ARHGAP18: variants seen among roughly 807,000 people sequenced by gnomAD.
The protein encoded by ARHGAP18 is rho GTPase-activating protein 18.
Under a neutral mutation model 86.2 loss-of-function variants are expected in ARHGAP18, and 67 were observed. The ratio of observed to expected loss-of-function variants is 0.78; its 90% confidence interval spans 0.64 to 0.95. ARHGAP18 has a LOEUF of 0.95. Ranked by LOEUF, ARHGAP18 falls within the 40% of genes least tolerant of loss-of-function variation. The probability of loss-of-function intolerance (pLI) is 0.00; values close to 1 mark genes in which losing one functional copy is unlikely to be tolerated. For synonymous variants in ARHGAP18, 283 were observed against 280.4 expected, an observed-to-expected ratio of 1.01 and a Z score of -0.09; for missense variants, 691 against 780.4, an observed-to-expected ratio of 0.89 and a Z score of 1.37.
chr6:129,678,529 G>A (rs1774273048), intron 1 of ARHGAP18, among the ~76,000 whole-genome samples: 1 of 152,110 alleles, frequency 6.6e-6, no homozygotes, highest in South Asian at 2.1e-4. Context: ...GGAAAATTGT[G>A]GAAATTTTAA....
chr6:129,615,870 T>C (rs574413183), intron 7 of ARHGAP18, among the ~76,000 whole-genome samples: 3 of 152,318 alleles, frequency 2.0e-5, no homozygotes, highest in Non-Finnish European at 2.9e-5. Context: ...TGAGGAAATA[T>C]ACACAGGCAT....
intron 1 of ARHGAP18, among the ~76,000 whole-genome samples, chr6:129,650,578 T>C (rs1773688277): frequency 1.3e-5 from 2 of 152,290 alleles, no homozygotes; most frequent in African/African-American, 2.4e-5. Flanking sequence ...GATTTTAATG[T>C]CAAAATCATC....
intron 1 of ARHGAP18, among the ~76,000 whole-genome samples, chr6:129,696,818 A>G (rs1269176045): frequency 1.3e-5 from 2 of 152,216 alleles, no homozygotes; most frequent in Non-Finnish European, 2.9e-5. Flanking sequence ...AAGCAAGAAG[A>G]TCAGGAAAGG....
chr6:129,617,944 C>A (rs1359965574), intron 6 of ARHGAP18, among the ~76,000 whole-genome samples: 2 of 152,062 alleles, frequency 1.3e-5, no homozygotes, highest in Admixed American at 1.3e-4. Flanking sequence ...TAAGGTTAAA[C>A]AAGAGGACAA....
intron 1 of ARHGAP18, among the ~76,000 whole-genome samples, chr6:129,644,655 C>T (rs996490714): frequency 9.2e-5 from 14 of 152,190 alleles, no homozygotes; most frequent in African/African-American, 1.9e-4. Flanking sequence ...TAATGACTAA[C>T]GCCAAATAAT....
chr6:129,596,156 C>A (rs1788612082), intron 12 of ARHGAP18, among the ~76,000 whole-genome samples: 1 of 152,126 alleles, frequency 6.6e-6, no homozygotes, highest in African/African-American at 2.4e-5. Flanking sequence ...ACCCCCATTT[C>A]ACTCAGAGTA....
intron 7 of ARHGAP18, among the ~76,000 whole-genome samples, chr6:129,613,952 CTT>C (rs199769970): frequency 0.044 from 6,667 of 152,182 alleles, 221 homozygotes; most frequent in Non-Finnish European, 0.064. Flanking sequence ...AACACAGACT[CTT>C]TGACACAAAG....
Position 129,629,688 on chromosome 6 carries a change from T to C in ARHGAP18, c.617-166A>G, listed in dbSNP as rs542551093. Among the ~76,000 whole-genome samples the C allele has an allele frequency of 2.0e-5, 3 of 152,300 alleles. No homozygotes were observed. In the East Asian group the frequency reaches 5.8e-4, roughly 29 times the overall value. On this transcript the variant is annotated intron_variant, in intron 4 of 14. Coordinates refer to ENST00000368149, the MANE Select transcript of ARHGAP18 (RefSeq NM_033515.3). Reference sequence around the variant, plus strand: ...AGAGTATACTCAAGAATCCTATCAATGGTGCATGGGAAGTGGGCAGGGAGA... The same window carrying C: ...AGAGTATACTCAAGAATCCTATCAACGGTGCATGGGAAGTGGGCAGGGAGA...
intron 1 of ARHGAP18, among the ~76,000 whole-genome samples, chr6:129,664,731 GT>G (rs1374891595): frequency 1.3e-5 from 2 of 152,154 alleles, no homozygotes; most frequent in Non-Finnish European, 2.9e-5. Flanking sequence ...AAAACAGTCC[GT>G]GGTCTGATGA....
chr6:129,698,377 T>C (rs1774656202), intron 1 of ARHGAP18, among the ~76,000 whole-genome samples: 2 of 152,198 alleles, frequency 1.3e-5, no homozygotes, highest in African/African-American at 4.8e-5. Context: ...ATTCCTATTA[T>C]TTTCCTCAAA....
At chr6:129,650,502 C>T (rs2114508769) in intron 1 of ARHGAP18, among the ~76,000 whole-genome samples, 1 of 152,270 alleles carries the variant, frequency 6.6e-6, no homozygotes, top group African/African-American at 2.4e-5. Flanking sequence ...TGCCAAATCT[C>T]TCAGGAAGCA....
chr6:129,696,544 G>A (rs564070070), intron 1 of ARHGAP18, among the ~76,000 whole-genome samples: 10 of 152,202 alleles, frequency 6.6e-5, no homozygotes, highest in East Asian at 3.9e-4. Context: ...CCAATCCTTC[G>A]AAAATATCAA....
chr6:129,627,072 A>T (rs1237847105), intron 5 of ARHGAP18, among the ~76,000 whole-genome samples: 1 of 152,118 alleles, frequency 6.6e-6, no homozygotes. Context: ...AGCCTGTAAA[A>T]TCTTGTCCAG....
At chr6:129,584,513 C>T (rs1030527698) in intron 12 of ARHGAP18, among the ~76,000 whole-genome samples, 2 of 152,124 alleles carry the variant, frequency 1.3e-5, no homozygotes, top group African/African-American at 4.8e-5. Context: ...TGGACATTCA[C>T]AAAATTTCAC....
chr6:129,624,796 T>G, intron 5 of ARHGAP18, among the ~76,000 whole-genome samples: 1 of 150,382 alleles, frequency 6.6e-6, no homozygotes, highest in Non-Finnish European at 1.5e-5. Context: ...AATACAAAAA[T>G]CAGCCGGGCG....
In ARHGAP18 at chr6:129,625,004, ATT is replaced by A. The variant is rs1342494601; in HGVS notation, c.786+4347_786+4348del. Among the ~76,000 whole-genome samples the A allele has an allele frequency of 3.8e-4, 28 of 74,002 alleles. 1 individual carries two copies. The highest frequency in any genetic ancestry group is 1.1e-3 in the African/African-American group (26 of 22,958). The allele number at this position is 74,002 out of a possible 152,430, so 48.5% of individuals were successfully genotyped here. ...ATAATATATATTATATATGATATAT[ATT>A]TATATAATATATATGATATATGATA... On this transcript the variant is annotated intron_variant, in intron 5 of 14. Coordinates refer to ENST00000368149, the MANE Select transcript of ARHGAP18 (RefSeq NM_033515.3).
At chr6:129,635,238 CA>C (rs1380732934) in intron 3 of ARHGAP18, among the ~76,000 whole-genome samples, 1 of 152,190 alleles carries the variant, frequency 6.6e-6, no homozygotes, top group African/African-American at 2.4e-5. Context: ...ATTGTAGTCT[CA>C]CCACACATTT....
chr6:129,578,560 GAT>G lies in ARHGAP18; in HGVS notation c.1943_1944del (p.Tyr648SerfsTer3), dbSNP rs1788225953. 1.9e-6 allele frequency: 3 copies of G among 1,612,388 alleles called. No individual in the cohort carries two copies. The highest frequency in any genetic ancestry group is 2.5e-6 in the Non-Finnish European group (3 of 1,179,002). On this transcript the variant is annotated frameshift_variant, in exon 15 of 15. Coordinates refer to ENST00000368149, the MANE Select transcript of ARHGAP18 (RefSeq NM_033515.3). LOFTEE classifies it high-confidence loss of function. ...ACCCACTCAGCATTTGGGTTAAGCTGATATAAATCCTTCATGTAAGTGTCATC... is the reference window on the plus strand; with the variant it reads ...ACCCACTCAGCATTTGGGTTAAGCTGATAAATCCTTCATGTAAGTGTCATC... ...LDDDTYMKDL[Y>X]QLNPNAEWVI...
intron 3 of ARHGAP18, among the ~76,000 whole-genome samples, chr6:129,636,196 C>T (rs950007132): frequency 3.9e-5 from 6 of 152,070 alleles, no homozygotes; most frequent in African/African-American, 9.7e-5. Flanking sequence ...TAAGCAAGTG[C>T]TTAACTTAAG....
Sources: allele counts gnomAD v4.1 joint callset (sites outside exome capture counted in the v4.1 genomes callset), GRCh38; gene constraint gnomAD v4.1.1; transcripts MANE v1.5; gene names NCBI Gene and HGNC (gene_info 2026-07-23, HGNC 2026-07-21).